TTC3: variants seen among roughly 807,000 people sequenced by gnomAD.
TTC3 encodes tetratricopeptide repeat domain 3, also known as E3 ubiquitin-protein ligase TTC3.
A neutral mutation model predicts 249.6 loss-of-function variants in TTC3; 180 were observed. That is an observed-to-expected ratio of 0.72 (90% confidence interval 0.64 to 0.82). The LOEUF is 0.82. TTC3 is among the 40% of genes least tolerant of loss of function. The probability of loss-of-function intolerance (pLI) is 0.00; values close to 1 mark genes in which losing one functional copy is unlikely to be tolerated. For missense variants in TTC3, 2,061 were observed against 2,398.4 expected, an observed-to-expected ratio of 0.86 and a Z score of 2.94; for synonymous variants, 717 against 805.0, an observed-to-expected ratio of 0.89 and a Z score of 1.85.
Position 37,121,724 on chromosome 21 carries a change from G to A in TTC3, c.901-93G>A, listed in dbSNP as rs1601590121. 2.5e-6 allele frequency: 3 copies of A among 1,192,592 alleles called. No homozygotes were observed. In the East Asian group the frequency reaches 8.0e-5, roughly 32 times the overall value. The allele number at this position is 1,192,592 out of a possible 1,614,324, so 73.9% of individuals were successfully genotyped here. A position where few individuals can be genotyped will look rare whatever the true frequency, so the allele number is the denominator to read the frequency against. ...GACCTAATCTAATATTTTAAGTAAT[G>A]AATCAGTTTTCAAGCAAAACATTTT... is the stretch of plus-strand genomic sequence containing the variant. On this transcript the variant is annotated intron_variant, in intron 11 of 45. Transcript: ENST00000355666.
rs2078700965 is a variant in TTC3, at chr21:37,143,624, A to T, written c.1773-901A>T. 2.6e-5 allele frequency among the ~76,000 whole-genome samples: 4 copies of T among 151,620 alleles called. No individual in the cohort carries two copies. The South Asian group carries it at 8.4e-4, about 32-fold the overall frequency. ...GCTGGAGAGGATGTGGAGAAATAGG[A>T]ACACTTTTACACTGTTGGTGGGACT... On this transcript the variant is annotated intron_variant, in intron 20 of 45. Transcript: ENST00000355666.
chr21:37,188,691 T>C (rs1275019367), intron 39 of TTC3, 96 bp downstream of exon 39: 6 of 802,540 alleles, frequency 7.5e-6, no homozygotes, highest in Non-Finnish European at 9.6e-6. Flanking sequence ...ACCATTTTAT[T>C]TTTAATAGTT....
intron 10 of TTC3, among the ~76,000 whole-genome samples, chr21:37,106,774 A>T (rs1357944169): frequency 6.6e-6 from 1 of 152,172 alleles, no homozygotes; most frequent in East Asian, 1.9e-4. Context: ...GCATGTGCCT[A>T]TATTCCCAGC....
At chr21:37,090,622 T>G in intron 6 of TTC3, 1 of 784,446 alleles carries the variant, frequency 1.3e-6, no homozygotes, top group Middle Eastern at 6.5e-4. Flanking sequence ...AATTACTAGG[T>G]AATCTCCAGA....
chr21:37,200,138 G>T (rs1292492323), intron 44 of TTC3, 94 bp from the exon 45 acceptor site: 2 of 1,132,920 alleles, frequency 1.8e-6, no homozygotes, highest in Non-Finnish European at 2.5e-6. Context: ...ACCCTTTGTG[G>T]CAGAAGATGT....
chr21:37,085,955 C>T (rs2072411999), intron 1 of TTC3: 1 of 152,166 alleles, frequency 6.6e-6, no homozygotes, highest in South Asian at 2.1e-4. Context: ...GAGCAAATTA[C>T]TTGATTTAAG....
At position 37,179,679 on chromosome 21, in the gene TTC3, G is replaced by GT. The variant is rs755672356; in HGVS notation, c.4618-3092dup. Among the ~76,000 whole-genome samples, 466 of 150,762 alleles carry GT rather than the reference G, an allele frequency of 3.1e-3. 3 individuals carry two copies. The South Asian group carries it at 0.036, about 12-fold the overall frequency. ...GAAAGTAAGGACTGTTTTTCATTTTGTTTGTTTTTTGAATGGGGGTCTCAT... is the reference window on the plus strand; with the variant it reads ...GAAAGTAAGGACTGTTTTTCATTTTGTTTTGTTTTTTGAATGGGGGTCTCAT... On this transcript the variant is annotated intron_variant, in intron 35 of 45. Transcript: ENST00000355666.
chr21:37,184,736 TG>T (rs1438858736), intron 36 of TTC3, among the ~76,000 whole-genome samples: 1 of 151,666 alleles, frequency 6.6e-6, no homozygotes, highest in Non-Finnish European at 1.5e-5. Flanking sequence ...CCCAAAGTGC[TG>T]GGATTACAGG....
chr21:37,189,213 A>AT (rs1296175155), intron 39 of TTC3, among the ~76,000 whole-genome samples: 1 of 151,894 alleles, frequency 6.6e-6, no homozygotes, highest in Non-Finnish European at 1.5e-5. Context: ...ACACATGTTA[A>AT]TTTTTTTTCA....
intron 15 of TTC3, among the ~76,000 whole-genome samples, chr21:37,128,454 G>C (rs2077206662): frequency 6.6e-6 from 1 of 152,120 alleles, no homozygotes; most frequent in Non-Finnish European, 1.5e-5. Context: ...GGTTTACTTA[G>C]TGCTTCTGAA....
At chr21:37,159,599 C>T in intron 28 of TTC3, 100 bp from the exon 29 acceptor site, 1 of 1,311,886 alleles carries the variant, frequency 7.6e-7, no homozygotes, top group South Asian at 1.4e-5. Context: ...TAGAACATGG[C>T]CTATGCCAGT....
chr21:37,140,533 G>A (rs752184260), intron 19 of TTC3, 28 bp from the exon 20 acceptor site: 37 of 1,412,964 alleles, frequency 2.6e-5, no homozygotes, highest in Non-Finnish European at 3.4e-5. Context: ...TTGTATGTAA[G>A]TGATCATTGT....
At position 37,182,549 on chromosome 21, in the gene TTC3, G is replaced by C. The variant is rs1417827861; in HGVS notation, c.4618-225G>C. 2.6e-5 allele frequency among the ~76,000 whole-genome samples: 4 copies of C among 152,346 alleles called. No homozygotes were observed. The East Asian group carries it at 7.7e-4, about 29-fold the overall frequency. ...GAGTGGTTCTTCGGGGTGTCTTACT[G>C]TAATCAGGTACACGTAGCGGGTAGG... is the stretch of plus-strand genomic sequence containing the variant. On this transcript the variant is annotated intron_variant, in intron 35 of 45. Coordinates refer to ENST00000355666, the Ensembl canonical transcript of TTC3.
intron 31 of TTC3, 118 bp from the exon 32 acceptor site, chr21:37,163,933 G>A: frequency 3.3e-6 from 4 of 1,206,086 alleles, no homozygotes; most frequent in Non-Finnish European, 4.5e-6. Context: ...TTGCAACATA[G>A]AGCTGAGTAA....
chr21:37,144,732 A>G (rs1166902386), intron 21 of TTC3, 87 bp downstream of exon 21: 4 of 1,489,252 alleles, frequency 2.7e-6, no homozygotes, highest in East Asian at 4.8e-5. Context: ...GAGAGGTAGG[A>G]GCATTCCATC....
chr21:37,192,229 C>CTTTT lies in TTC3; in HGVS notation c.5217+27_5217+30dup. ...CTGTAACACGGTAAGTCTAGCACAT[C>CTTTT]TTTTTTTTTTTTTTAAACCATAATT... On this transcript the variant is annotated intron_variant, in intron 41 of 45. Transcript: ENST00000355666. 4.1e-6 allele frequency: 5 copies of CTTTT among 1,219,504 alleles called. No individual in the cohort carries two copies. The highest frequency in any genetic ancestry group is 5.4e-5 in the Admixed American group (2 of 37,134). 75.5% of individuals were successfully genotyped at this position (1,219,504 alleles called of 1,614,324 possible).
chr21:37,192,012 T>C lies in TTC3; in HGVS notation c.5116-100T>C, dbSNP rs181692235. On this transcript the variant is annotated intron_variant, in intron 40 of 45. Transcript: ENST00000355666. ...GGTTTAATGAGGTCTTATTTTGAAT[T>C]TCCTTACCAAGACAGTTATGTTTCA... is the stretch of plus-strand genomic sequence containing the variant. The C allele has an allele frequency of 5.6e-4, 406 of 731,204 alleles. 2 individuals carry two copies. In the African/African-American group the frequency reaches 5.6e-3, roughly 10 times the overall value. 45.3% of individuals were successfully genotyped at this position (731,204 alleles called of 1,614,324 possible).
At position 37,078,929 on chromosome 21, in the gene TTC3, A is replaced by G. The variant is rs866132658; in HGVS notation, c.-12+5565A>G. 7.0e-4 allele frequency among the ~76,000 whole-genome samples: 107 copies of G among 152,324 alleles called. 1 individual carries two copies. The highest frequency in any genetic ancestry group is 3.4e-3 in the Middle Eastern group (1 of 294). ...AAGAGAATATTTCTCAGCTGAGAAT[A>G]ACATTTGCTGTGAATTTTTGTAGAT... is the stretch of plus-strand genomic sequence containing the variant. On this transcript the variant is annotated intron_variant, in intron 1 of 45. Transcript: ENST00000355666.
rs148444582 is a variant in TTC3 at position 37,181,533 on chromosome 21, A to G, written c.4618-1241A>G. 1.5e-3 allele frequency among the ~76,000 whole-genome samples: 225 copies of G among 152,358 alleles called. 2 individuals are homozygous for G. Among genetic ancestry groups the G allele is most frequent in the African/African-American group, 5.0e-3 (206 of 41,586 alleles). Reference sequence around the variant, plus strand: ...TAATGACTCAAGAAATTCAGGATCAACAAGGTTGCAGCTAAGAAGATGTGG... The same window carrying G: ...TAATGACTCAAGAAATTCAGGATCAGCAAGGTTGCAGCTAAGAAGATGTGG... On this transcript the variant is annotated intron_variant, in intron 35 of 45. Transcript: ENST00000355666.
Sources: allele counts gnomAD v4.1 joint callset (sites outside exome capture counted in the v4.1 genomes callset), GRCh38; gene constraint gnomAD v4.1.1; transcripts MANE v1.5; gene names NCBI Gene and HGNC (gene_info 2026-07-23, HGNC 2026-07-21).